The following PTPRD variants were observed in gnomAD, a reference collection of about 807,000 sequenced individuals.
PTPRD encodes the protein protein tyrosine phosphatase receptor type D, also known as receptor-type tyrosine-protein phosphatase delta.
PTPRD carries 34 observed loss-of-function variants against 214.5 expected under a neutral mutation model. The ratio of observed to expected loss-of-function variants is 0.16; its 90% CI spans 0.12 to 0.21. The LOEUF (loss-of-function observed/expected upper bound fraction) is 0.21. Among genes scored for constraint, PTPRD ranks in the 10% least tolerant of loss-of-function variants. PTPRD has a pLI of 1.00. For missense variants in PTPRD, 2,545 were observed against 2,398.7 expected (o/e 1.06, Z -1.27); for synonymous variants, 1,128 against 845.7 (o/e 1.33, Z -5.79).
At chr9:8,847,374 T>C (rs2154539971) in intron 11 of PTPRD, among the ~76,000 whole-genome samples, 1 of 152,308 alleles carries the variant, frequency 6.6e-6, no homozygotes, top group Non-Finnish European at 1.5e-5. Context: ...AAACCCTTGC[T>C]ACATATTACC....
chr9:10,433,516 T>G (rs1329697921), intron 2 of PTPRD, among the ~76,000 whole-genome samples: 2 of 151,972 alleles, frequency 1.3e-5, no homozygotes, highest in Non-Finnish European at 2.9e-5. Context: ...ACAGCATTAT[T>G]ATTCTGATTC....
intron 11 of PTPRD, among the ~76,000 whole-genome samples, chr9:8,762,736 A>G (rs934572309): frequency 6.6e-5 from 10 of 152,218 alleles, no homozygotes; most frequent in Admixed American, 2.6e-4. Context: ...CCTCTGTTCC[A>G]GTTAACCCAT....
At chr9:8,513,934 T>A (rs2097732214) in intron 21 of PTPRD, among the ~76,000 whole-genome samples, 2 of 152,138 alleles carry the variant, frequency 1.3e-5, no homozygotes, top group African/African-American at 4.8e-5. Context: ...AAAGTAAAAC[T>A]ATTATGGAAG....
intron 3 of PTPRD, among the ~76,000 whole-genome samples, chr9:10,036,101 C>T (rs2097175975): frequency 6.6e-6 from 1 of 152,122 alleles, no homozygotes; most frequent in African/African-American, 2.4e-5. Context: ...GATACTTATA[C>T]TGCATATCTT....
At chr9:9,428,809 T>A (rs1353484070) in intron 8 of PTPRD, among the ~76,000 whole-genome samples, 1 of 152,144 alleles carries the variant, frequency 6.6e-6, no homozygotes, top group African/African-American at 2.4e-5. Context: ...GACTACTGGG[T>A]ACATAAAGAA....
At chr9:9,949,739 G>A (rs926220594) in intron 4 of PTPRD, among the ~76,000 whole-genome samples, 3 of 152,142 alleles carry the variant, frequency 2.0e-5, no homozygotes, top group Non-Finnish European at 4.4e-5. Context: ...CTTGACGAAT[G>A]GGGAGCAAGT....
rs140767431 is a variant in PTPRD at position 9,226,470 on chromosome 9, C to A, written c.-202-43107G>T. Among the ~76,000 whole-genome samples the A allele has an allele frequency of 7.2e-5, 11 of 151,836 alleles. No individual in the cohort carries two copies. In the South Asian group the frequency reaches 2.3e-3, roughly 32 times the overall value. ...TCAGTCAGGATGATAAAACTCAGCC[C>A]AGGGAATTTAGTGGGTAGTGAAGGG... On this transcript the variant is annotated intron_variant, in intron 9 of 45. Transcript: ENST00000381196.
intron 8 of PTPRD, among the ~76,000 whole-genome samples, chr9:9,411,262 C>CTTTTTTTTTT (rs34617237): frequency 2.1e-5 from 3 of 139,840 alleles, no homozygotes; most frequent in African/African-American, 7.9e-5. Flanking sequence ...AGCATTGTGT[C>CTTTTTTTTTT]TTTTTTTTTT....
intron 5 of PTPRD, among the ~76,000 whole-genome samples, chr9:9,900,154 C>T (rs1482742032): frequency 6.6e-6 from 1 of 152,148 alleles, no homozygotes; most frequent in Non-Finnish European, 1.5e-5. Flanking sequence ...ACACTCCTTC[C>T]TTCCCTACCA....
intron 2 of PTPRD, among the ~76,000 whole-genome samples, chr9:10,349,906 C>T (rs2097153123): frequency 6.6e-6 from 1 of 152,064 alleles, no homozygotes. Flanking sequence ...AGGTGGTCGG[C>T]CCACCTCGTC....
intron 10 of PTPRD, among the ~76,000 whole-genome samples, chr9:9,054,792 C>G (rs865810084): frequency 2.0e-5 from 3 of 152,114 alleles, no homozygotes; most frequent in Admixed American, 2.0e-4. Flanking sequence ...TTGATGAGAT[C>G]ACAGTCCTGT....
intron 11 of PTPRD, among the ~76,000 whole-genome samples, chr9:8,977,637 TTATC>T (rs1221826622): frequency 6.6e-6 from 1 of 151,558 alleles, no homozygotes; most frequent in African/African-American, 2.4e-5. Context: ...TCATAAAAAT[TTATC>T]TATACTATTC....
chr9:9,407,768 T>C (rs1201247547), intron 8 of PTPRD, among the ~76,000 whole-genome samples: 4 of 151,796 alleles, frequency 2.6e-5, no homozygotes, highest in Admixed American at 2.6e-4. Context: ...CTAACACACA[T>C]AAACTCATTT....
rs546477951 is a variant in PTPRD at position 9,925,408 on chromosome 9, G to T, written c.-368+13099C>A. Among the ~76,000 whole-genome samples, 11 of 152,114 alleles carry T rather than the reference G, an allele frequency of 7.2e-5. No individual in the cohort carries two copies. The East Asian group carries it at 2.1e-3, about 29-fold the overall frequency. ...CAGGAGGGTGACTGCTGAATGTTTG[G>T]TATTTAAGGTCTTACATACAGGACC... On this transcript the variant is annotated intron_variant, in intron 5 of 45. Transcript: ENST00000381196.
At chr9:9,127,816 G>T (rs1018501311) in intron 10 of PTPRD, among the ~76,000 whole-genome samples, 1 of 152,128 alleles carries the variant, frequency 6.6e-6, no homozygotes, top group East Asian at 1.9e-4. Context: ...AGGAAAAAAA[G>T]AGGTGATGCC....
intron 7 of PTPRD, among the ~76,000 whole-genome samples, chr9:9,721,697 T>C (rs1462672920): frequency 1.3e-5 from 2 of 152,092 alleles, no homozygotes; most frequent in Admixed American, 6.5e-5. Flanking sequence ...CCTGATAAAA[T>C]TATTAAAGAG....
chr9:9,540,494 C>T (rs2154271576), intron 8 of PTPRD, among the ~76,000 whole-genome samples: 1 of 151,682 alleles, frequency 6.6e-6, no homozygotes, highest in Non-Finnish European at 1.5e-5. Context: ...ATAGGAGTAC[C>T]AAAAATGCTA....
At chr9:9,279,793 T>C (rs536852322) in intron 9 of PTPRD, among the ~76,000 whole-genome samples, 1 of 151,404 alleles carries the variant, frequency 6.6e-6, no homozygotes, top group African/African-American at 2.4e-5. Context: ...AACTTTTCTA[T>C]ATAGTTTAAT....
chr9:9,636,447 C>G, intron 7 of PTPRD, among the ~76,000 whole-genome samples: 1 of 152,176 alleles, frequency 6.6e-6, no homozygotes, highest in Middle Eastern at 3.4e-3. Context: ...CAGATTCAAA[C>G]ATATAGATAT....
Sources: allele counts gnomAD v4.1 joint callset (sites outside exome capture counted in the v4.1 genomes callset), GRCh38; gene constraint gnomAD v4.1.1; transcripts MANE v1.5; gene names NCBI Gene and HGNC (gene_info 2026-07-23, HGNC 2026-07-21).